GPHN: variants seen among roughly 807,000 people sequenced by gnomAD.
GPHN encodes the protein gephyrin.
A neutral mutation model predicts 95.5 loss-of-function variants in GPHN; 17 were observed. The observed-to-expected ratio is 0.18, with a 90% CI of 0.12 to 0.27. The LOEUF (loss-of-function observed/expected upper bound fraction) is 0.27. Among genes scored for constraint, GPHN ranks in the 10% least tolerant of loss-of-function variants. The probability of loss-of-function intolerance (pLI) is 1.00; values close to 1 mark genes in which losing one functional copy is unlikely to be tolerated. For synonymous variants in GPHN, 320 were observed against 322.5 expected (o/e 0.99, Z 0.08); for missense variants, 660 against 978.1 (o/e 0.67, Z 4.34).
At chr14:67,158,307 CAAAAAAAAA>C (rs368266629) in intron 18 of GPHN, among the ~76,000 whole-genome samples, 1 of 55,746 alleles carries the variant, frequency 1.8e-5, no homozygotes, top group African/African-American at 7.1e-5. Flanking sequence ...AACTCCATCT[CAAAAAAAAA>C]AAAAAAAAAA....
the GPHN span, among the ~76,000 whole-genome samples, chr14:67,617,963 C>T: frequency 5.9e-5 from 9 of 152,300 alleles, no homozygotes; most frequent in Middle Eastern, 0.01. Flanking sequence ...AGGTGATCCA[C>T]CTGCCTCGGC....
chr14:66,823,233 C>T (rs984363653), intron 3 of GPHN: 1 of 152,220 alleles, frequency 6.6e-6, no homozygotes, highest in Admixed American at 6.5e-5. Context: ...AGCTCCTGAC[C>T]TTACGTGATC....
chr14:67,474,268 A>AAC, the GPHN span, among the ~76,000 whole-genome samples: 2,405 of 122,038 alleles, frequency 0.02, 64 homozygotes, highest in African/African-American at 0.073. Flanking sequence ...AACAAAACAA[A>AAC]AAAAAAACAG....
At chr14:66,721,611 T>C (rs1485292028) in intron 2 of GPHN, among the ~76,000 whole-genome samples, 1 of 152,120 alleles carries the variant, frequency 6.6e-6, no homozygotes, top group African/African-American at 2.4e-5. Context: ...CCAGGAACCC[T>C]CTGGGAACTC....
intron 2 of GPHN, among the ~76,000 whole-genome samples, chr14:66,741,461 G>GATT (rs2072786487): frequency 6.6e-6 from 1 of 152,074 alleles, no homozygotes. Flanking sequence ...TTATTCAGGA[G>GATT]TATAAGGCAA....
At chr14:66,944,875 G>A (rs1173414615) in intron 8 of GPHN, among the ~76,000 whole-genome samples, 1 of 152,254 alleles carries the variant, frequency 6.6e-6, no homozygotes, top group East Asian at 1.9e-4. Flanking sequence ...CTTGGGCCAT[G>A]CATCCCAGCC....
chr14:67,667,682 C>T, the GPHN span, among the ~76,000 whole-genome samples: 3 of 152,198 alleles, frequency 2.0e-5, no homozygotes, highest in Admixed American at 1.3e-4. Flanking sequence ...CGGTGGCTCA[C>T]GCCTGTAATC....
intron 8 of GPHN, among the ~76,000 whole-genome samples, chr14:66,938,625 G>A (rs2153571144): frequency 6.6e-6 from 1 of 152,250 alleles, no homozygotes; most frequent in East Asian, 1.9e-4. Flanking sequence ...CTACTCATGA[G>A]TCTATTCTTT....
the GPHN span, among the ~76,000 whole-genome samples, chr14:67,282,963 G>A: frequency 6.6e-6 from 1 of 152,060 alleles, no homozygotes; most frequent in Non-Finnish European, 1.5e-5. Flanking sequence ...TATATAGATA[G>A]AATACTTGAA....
chr14:67,641,976 C>T, the GPHN span, among the ~76,000 whole-genome samples: 4 of 152,054 alleles, frequency 2.6e-5, no homozygotes, highest in East Asian at 3.8e-4. Context: ...TTAAGTCAAT[C>T]GATATCTCTT....
the GPHN span, among the ~76,000 whole-genome samples, chr14:67,688,416 G>C: frequency 6.6e-6 from 1 of 152,202 alleles, no homozygotes; most frequent in Non-Finnish European, 1.5e-5. Context: ...CCAAGATACT[G>C]TGTTGGAGTT....
At chr14:67,320,756 A>G in the GPHN span, among the ~76,000 whole-genome samples, 1 of 152,208 alleles carries the variant, frequency 6.6e-6, no homozygotes, top group Non-Finnish European at 1.5e-5. Context: ...TCTTATGGAG[A>G]TAAACTTTAG....
intron 4 of GPHN, among the ~76,000 whole-genome samples, chr14:66,842,062 G>T (rs964899720): frequency 2.5e-4 from 13 of 51,438 alleles, no homozygotes; most frequent in African/African-American, 9.5e-4. Flanking sequence ...CCCCGCCCCC[G>T]CCCCAACCCC....
At chr14:67,630,061 C>T in the GPHN span, among the ~76,000 whole-genome samples, 1 of 152,204 alleles carries the variant, frequency 6.6e-6, no homozygotes, top group Non-Finnish European at 1.5e-5. Flanking sequence ...TCTCATGATC[C>T]TCAAGCTCAT....
chr14:67,511,237 C>T, the GPHN span, among the ~76,000 whole-genome samples: 3 of 152,148 alleles, frequency 2.0e-5, no homozygotes, highest in Non-Finnish European at 2.9e-5. Context: ...CCAGTATGTT[C>T]TGAATGAGGG....
chr14:67,079,364 C>G (rs2076607038), intron 11 of GPHN, among the ~76,000 whole-genome samples: 1 of 151,994 alleles, frequency 6.6e-6, no homozygotes, highest in African/African-American at 2.4e-5. Flanking sequence ...AATTTTAGAA[C>G]ATTTTCATTA....
intron 1 of GPHN, among the ~76,000 whole-genome samples, chr14:66,562,842 G>C (rs1374771413): frequency 6.6e-6 from 1 of 152,012 alleles, no homozygotes. Flanking sequence ...TAGTAGAGAG[G>C]AGGAGGGCAG....
At chr14:67,390,862 T>A in the GPHN span, 1 of 782,744 alleles carries the variant, frequency 1.3e-6, no homozygotes, top group Non-Finnish European at 2.3e-6. Flanking sequence ...TGGGACTACA[T>A]TCTAAAACCA....
intron 1 of GPHN, among the ~76,000 whole-genome samples, chr14:66,583,562 A>G (rs2061289798): frequency 2.0e-5 from 3 of 152,088 alleles, no homozygotes; most frequent in Admixed American, 2.0e-4. Context: ...TAATTTTTGT[A>G]TAAGGTGTAA....
Sources: allele counts gnomAD v4.1 joint callset (sites outside exome capture counted in the v4.1 genomes callset), GRCh38; gene constraint gnomAD v4.1.1; transcripts MANE v1.5; gene names NCBI Gene and HGNC (gene_info 2026-07-23, HGNC 2026-07-21).